Variants in ELAVL2 observed in about 807,000 individuals in gnomAD.
The protein encoded by ELAVL2 is ELAV like RNA binding protein 2.
In ELAVL2, 4 loss-of-function variants were observed where a neutral mutation model predicts 34.6. The observed-to-expected ratio is 0.12, with a 90% CI of 0.06 to 0.26. The LOEUF (loss-of-function observed/expected upper bound fraction) is 0.26. Among genes scored for constraint, ELAVL2 ranks in the 10% least tolerant of loss-of-function variants. The pLI, the probability that ELAVL2 is intolerant of heterozygous loss-of-function variation, is 1.00. For missense variants in ELAVL2, 432 were observed against 442.8 expected (o/e 0.98, Z 0.22); for synonymous variants, 193 against 154.8 (o/e 1.25, Z -1.83).
chr9:23,699,812 G>GTGTTTTTTTT (rs2036517077), intron 5 of ELAVL2, among the ~76,000 whole-genome samples: 2 of 82,970 alleles, frequency 2.4e-5, no homozygotes, highest in East Asian at 8.9e-4. Flanking sequence ...GGTGGCAAAG[G>GTGTTTTTTTT]TTTTTTTTTT....
intron 1 of ELAVL2, among the ~76,000 whole-genome samples, chr9:23,800,577 T>C (rs1312527380): frequency 6.6e-6 from 1 of 152,226 alleles, no homozygotes; most frequent in East Asian, 1.9e-4. Flanking sequence ...ATTTTAAGAA[T>C]TCTTTCAAAG....
intron 2 of ELAVL2, among the ~76,000 whole-genome samples, chr9:23,739,391 G>GCCTGAAAGTCATA (rs1288197708): frequency 1.3e-5 from 2 of 152,148 alleles, no homozygotes; most frequent in Non-Finnish European, 2.9e-5. Flanking sequence ...CCTTCAGATA[G>GCCTGAAAGTCATA]CCTGAAAGTC....
intron 3 of ELAVL2, among the ~76,000 whole-genome samples, chr9:23,725,525 T>G (rs566780630): frequency 6.1e-4 from 93 of 152,272 alleles, no homozygotes; most frequent in Admixed American, 2.5e-3. Context: ...CTGCATACCC[T>G]CTCCTCCTTC....
intron 1 of ELAVL2, among the ~76,000 whole-genome samples, chr9:23,788,753 G>A (rs750528664): frequency 6.6e-6 from 1 of 152,166 alleles, no homozygotes; most frequent in Non-Finnish European, 1.5e-5. Context: ...CACGAGCAGT[G>A]CAATACCTCG....
intron 2 of ELAVL2, among the ~76,000 whole-genome samples, chr9:23,735,732 A>C (rs1024137323): frequency 6.6e-5 from 10 of 152,198 alleles, no homozygotes; most frequent in Non-Finnish European, 4.4e-5. Context: ...CAAGAGATAG[A>C]AAAATAGTTT....
At chr9:23,766,691 T>C (rs2056332190) in intron 1 of ELAVL2, among the ~76,000 whole-genome samples, 1 of 152,156 alleles carries the variant, frequency 6.6e-6, no homozygotes, top group Non-Finnish European at 1.5e-5. Flanking sequence ...TCTTCTCCGC[T>C]TGAGGCAGAC....
chr9:23,706,599 G>A (rs1251530115), intron 3 of ELAVL2, among the ~76,000 whole-genome samples: 1 of 152,050 alleles, frequency 6.6e-6, no homozygotes, highest in African/African-American at 2.4e-5. Context: ...CTACTTCAAG[G>A]GACAGAAATT....
chr9:23,759,410 G>A (rs984291390), intron 2 of ELAVL2, among the ~76,000 whole-genome samples: 3 of 151,866 alleles, frequency 2.0e-5, no homozygotes, highest in Non-Finnish European at 4.4e-5. Flanking sequence ...GAGAAGAGAG[G>A]AGGAAGGAAG....
chr9:23,805,671 C>CT (rs2062120950), intron 1 of ELAVL2, among the ~76,000 whole-genome samples: 1 of 152,190 alleles, frequency 6.6e-6, no homozygotes, highest in African/African-American at 2.4e-5. Context: ...ATTAGAGCAT[C>CT]TACCTTAGAC....
chr9:23,815,968 G>A (rs1189916133), intron 1 of ELAVL2, among the ~76,000 whole-genome samples: 5 of 152,100 alleles, frequency 3.3e-5, no homozygotes, highest in East Asian at 1.9e-4. Flanking sequence ...CAGCAGACAA[G>A]AACCTCTGAA....
In ELAVL2 at chr9:23,732,598, T is replaced by C. The variant is rs149019469; in HGVS notation, c.230-1473A>G. Among the ~76,000 whole-genome samples, 787 of 152,302 alleles carry C rather than the reference T, an allele frequency of 5.2e-3. 2 individuals are homozygous for C. The highest frequency in any genetic ancestry group is 0.018 in the African/African-American group (749 of 41,566). On this transcript the variant is annotated intron_variant, in intron 2 of 6. Coordinates refer to ENST00000397312, the MANE Select transcript of ELAVL2 (RefSeq NM_004432.5). ...ATTTATCATGTGTTTACTGCATGCA[T>C]TGTGCCCCTCTTATGAAAATGTGTT... is the stretch of plus-strand genomic sequence containing the variant.
intron 1 of ELAVL2, among the ~76,000 whole-genome samples, chr9:23,804,582 C>A (rs891510453): frequency 6.6e-6 from 1 of 152,098 alleles, no homozygotes; most frequent in East Asian, 1.9e-4. Context: ...ACAATAGATA[C>A]CTTATACAGT....
chr9:23,768,841 G>A (rs2056799372), intron 1 of ELAVL2, among the ~76,000 whole-genome samples: 1 of 152,152 alleles, frequency 6.6e-6, no homozygotes, highest in African/African-American at 2.4e-5. Context: ...AACAGATCTT[G>A]AAGAAGGCAT....
chr9:23,788,642 A>C (rs1226331624), intron 1 of ELAVL2, among the ~76,000 whole-genome samples: 1 of 152,220 alleles, frequency 6.6e-6, no homozygotes, highest in Non-Finnish European at 1.5e-5. Flanking sequence ...CTTAAAGGGA[A>C]CATGGAGCAC....
chr9:23,716,008 G>T (rs2042200569), intron 3 of ELAVL2, among the ~76,000 whole-genome samples: 1 of 152,134 alleles, frequency 6.6e-6, no homozygotes, highest in Non-Finnish European at 1.5e-5. Flanking sequence ...GATAAGACAA[G>T]AGACGGGTAG....
intron 2 of ELAVL2, among the ~76,000 whole-genome samples, chr9:23,749,550 G>A (rs1301795344): frequency 6.6e-6 from 1 of 151,998 alleles, no homozygotes; most frequent in African/African-American, 2.4e-5. Flanking sequence ...AATCCAAGGT[G>A]GCATAATCCA....
chr9:23,775,451 A>C (rs959091), intron 1 of ELAVL2, among the ~76,000 whole-genome samples: 1 of 152,096 alleles, frequency 6.6e-6, no homozygotes, highest in African/African-American at 2.4e-5. Flanking sequence ...AAGAGTTCAC[A>C]CAAGTATTAA....
chr9:23,828,299 A>G (rs1281282786), upstream of ELAVL2, among the ~76,000 whole-genome samples: 1 of 152,214 alleles, frequency 6.6e-6, no homozygotes, highest in African/African-American at 2.4e-5. Context: ...CCATGCTCGT[A>G]GGTTAATATT....
At chr9:23,743,912 T>C (rs2049885646) in intron 2 of ELAVL2, among the ~76,000 whole-genome samples, 1 of 152,204 alleles carries the variant, frequency 6.6e-6, no homozygotes, top group Non-Finnish European at 1.5e-5. Flanking sequence ...GATTAAACAA[T>C]ATGAAGGACC....
Sources: gnomAD v4.1 joint callset for allele counts (sites outside exome capture counted in the v4.1 genomes callset) on GRCh38, gnomAD v4.1.1 for gene constraint, MANE v1.5 for transcripts, NCBI Gene and HGNC (gene_info 2026-07-23, HGNC 2026-07-21) for gene names.